SLC4A4: variants seen among roughly 807,000 people sequenced by gnomAD.
SLC4A4 encodes electrogenic sodium bicarbonate cotransporter 1.
A neutral mutation model predicts 111.5 loss-of-function variants in SLC4A4; 27 were observed. The ratio of observed to expected loss-of-function variants is 0.24; its 90% confidence interval spans 0.18 to 0.33. The LOEUF is 0.33. Ranked by LOEUF, SLC4A4 falls within the 10% of genes least tolerant of loss-of-function variation. The pLI is 1.00. For missense variants in SLC4A4, 909 were observed against 1,315.5 expected, an observed-to-expected ratio of 0.69 and a Z score of 4.78; for synonymous variants, 443 against 463.4, an observed-to-expected ratio of 0.96 and a Z score of 0.57.
At chr4:71,255,100 A>T (rs1721346815) in intron 2 of SLC4A4, 120 bp from the exon 3 acceptor site, 1 of 1,023,158 alleles carries the variant, frequency 9.8e-7, no homozygotes, top group Non-Finnish European at 1.5e-6. Context: ...AGAGTTTGCC[A>T]AATATAGAAT....
At chr4:71,521,881 C>T (rs532639142) in intron 16 of SLC4A4, among the ~76,000 whole-genome samples, 10 of 152,282 alleles carry the variant, frequency 6.6e-5, no homozygotes, top group Non-Finnish European at 1.3e-4. Flanking sequence ...CCACTGCAGT[C>T]TTTCTCCTTT....
chr4:71,164,565 A>C (rs1444869428), intron 2 of SLC4A4, among the ~76,000 whole-genome samples: 1 of 151,710 alleles, frequency 6.6e-6, no homozygotes. Context: ...ACAAACAAAC[A>C]AAAAAACCCG....
intron 5 of SLC4A4, among the ~76,000 whole-genome samples, chr4:71,356,506 A>G (rs1434775502): frequency 6.6e-6 from 1 of 152,216 alleles, no homozygotes; most frequent in African/African-American, 2.4e-5. Flanking sequence ...TGTTCAGATG[A>G]CCTGATATTA....
intron 7 of SLC4A4, among the ~76,000 whole-genome samples, chr4:71,439,435 CAAAAAAAAAAAAAAAAAAAA>C (rs56283596): frequency 1.2e-4 from 4 of 34,186 alleles, no homozygotes; most frequent in East Asian, 1.0e-3. Context: ...GACTCTGTCT[CAAAAAAAAAAAAAAAAAAAA>C]AAAAAAAAAA....
chr4:71,489,370 C>T (rs551891446), intron 15 of SLC4A4, among the ~76,000 whole-genome samples: 2 of 151,906 alleles, frequency 1.3e-5, no homozygotes, highest in Non-Finnish European at 2.9e-5. Flanking sequence ...TTGTGTCAGA[C>T]TGCCTGGTTC....
chr4:71,429,257 A>G (rs1280741172), intron 7 of SLC4A4, among the ~76,000 whole-genome samples: 1 of 152,082 alleles, frequency 6.6e-6, no homozygotes, highest in Non-Finnish European at 1.5e-5. Context: ...GTGGAGTGTG[A>G]AAGATTGAAC....
intron 7 of SLC4A4, among the ~76,000 whole-genome samples, chr4:71,424,277 A>C (rs1288947557): frequency 6.6e-6 from 1 of 152,136 alleles, no homozygotes; most frequent in African/African-American, 2.4e-5. Flanking sequence ...AATGCAAATC[A>C]AAACCACAAT....
At chr4:71,567,203 A>C in intron 25 of SLC4A4, 120 bp downstream of exon 25, 1 of 827,814 alleles carries the variant, frequency 1.2e-6, no homozygotes, top group East Asian at 2.8e-5. Context: ...TTTATCTTAA[A>C]TAAATTACCC....
At chr4:71,320,799 C>T (rs1727060528) in intron 3 of SLC4A4, among the ~76,000 whole-genome samples, 1 of 151,904 alleles carries the variant, frequency 6.6e-6, no homozygotes, top group African/African-American at 2.4e-5. Context: ...AATTCTTCAC[C>T]CAGTTAAGGA....
chr4:71,369,334 T>C (rs1232781315), intron 6 of SLC4A4, among the ~76,000 whole-genome samples: 14 of 152,166 alleles, frequency 9.2e-5, no homozygotes, highest in African/African-American at 3.4e-4. Flanking sequence ...AAGAACTTCC[T>C]GGGTGATCTG....
chr4:71,316,497 T>A (rs1010131039), intron 3 of SLC4A4, among the ~76,000 whole-genome samples: 19 of 152,160 alleles, frequency 1.2e-4, no homozygotes, highest in Admixed American at 7.9e-4. Context: ...GCCGTTTTTT[T>A]AAAAACAGAA....
intron 1 of SLC4A4, among the ~76,000 whole-genome samples, chr4:71,196,465 A>G (rs774375306): frequency 2.0e-4 from 30 of 152,160 alleles, no homozygotes; most frequent in Non-Finnish European, 4.1e-4. Flanking sequence ...AAAGCATCAA[A>G]AGAAAATATA....
chr4:71,365,807 C>G (rs1472897212), intron 6 of SLC4A4, among the ~76,000 whole-genome samples: 2 of 152,106 alleles, frequency 1.3e-5, no homozygotes, highest in Non-Finnish European at 1.5e-5. Flanking sequence ...ATTATGGTAG[C>G]TCTAATGTAT....
intron 15 of SLC4A4, among the ~76,000 whole-genome samples, chr4:71,493,846 C>T (rs1030666961): frequency 6.6e-6 from 1 of 152,000 alleles, no homozygotes; most frequent in Non-Finnish European, 1.5e-5. Context: ...CATATTCTAA[C>T]CTATTCTTTT....
chr4:71,492,386 A>T (rs774897312), intron 15 of SLC4A4, among the ~76,000 whole-genome samples: 19 of 151,950 alleles, frequency 1.3e-4, no homozygotes, highest in Non-Finnish European at 2.5e-4. Context: ...CTGCGAGCAG[A>T]TCCACTCAGT....
intron 12 of SLC4A4, among the ~76,000 whole-genome samples, chr4:71,454,309 G>A (rs1425704494): frequency 1.3e-5 from 2 of 152,102 alleles, no homozygotes; most frequent in Admixed American, 6.5e-5. Context: ...TAAAGTTTTG[G>A]TGATAGAAAA....
chr4:71,546,482 A>C lies in SLC4A4; in HGVS notation c.2575A>C (p.Thr859Pro). The change falls in exon 19 of 26, where the codon ACA becomes CCA. Residue 859 changes from threonine to proline, a missense_variant. This residue lies in a region of SLC4A4 where 104 missense variants were observed against 219.5 expected (regional missense o/e 0.47). Coordinates refer to ENST00000264485, the MANE Select transcript of SLC4A4 (RefSeq NM_001098484.3). ...TCACATCGACAGTTTGAAGATGGAG[A>C]CAGAGACTTCTGCACCTGGAGAACA... ...IAHIDSLKME[T>P]ETSAPGEQPK... 1.2e-6 allele frequency: 2 copies of C among 1,612,668 alleles called. No homozygotes were observed. The highest frequency in any genetic ancestry group is 4.5e-5 in the East Asian group (2 of 44,770).
At chr4:71,086,129 A>G (rs531860522) in intron 1 of SLC4A4, among the ~76,000 whole-genome samples, 3 of 151,176 alleles carry the variant, frequency 2.0e-5, no homozygotes, top group South Asian at 2.1e-4. Flanking sequence ...CGTCCCTTGT[A>G]AGTTGGATTC....
chr4:71,452,910 T>G (rs1725900757), intron 11 of SLC4A4, among the ~76,000 whole-genome samples: 2 of 152,208 alleles, frequency 1.3e-5, no homozygotes, highest in Non-Finnish European at 2.9e-5. Flanking sequence ...TCTTTTGATT[T>G]TTATCACTAT....
Sources: allele counts gnomAD v4.1 joint callset (sites outside exome capture counted in the v4.1 genomes callset), GRCh38; gene constraint gnomAD v4.1.1; regional missense constraint gnomAD v4.1.1; transcripts MANE v1.5; gene names NCBI Gene and HGNC (gene_info 2026-07-23, HGNC 2026-07-21).